Variants in KCNH1 observed in about 807,000 individuals in gnomAD.
KCNH1 encodes the protein potassium voltage-gated channel subfamily H member 1.
In KCNH1, 27 loss-of-function variants were observed where a neutral mutation model predicts 69.2. That is an observed-to-expected ratio of 0.39 (90% CI 0.29 to 0.54). The LOEUF (loss-of-function observed/expected upper bound fraction) is 0.54, where lower values mean the gene tolerates loss of function less well. Among genes scored for constraint, KCNH1 ranks in the 20% least tolerant of loss-of-function variants. The probability of loss-of-function intolerance (pLI) is 0.68; values close to 1 mark genes in which losing one functional copy is unlikely to be tolerated. For missense variants in KCNH1, 798 were observed against 1,261.6 expected, an observed-to-expected ratio of 0.63 and a Z score of 5.57; for synonymous variants, 456 against 487.7, an observed-to-expected ratio of 0.93 and a Z score of 0.86.
In KCNH1 at chr1:210,682,358, A is replaced by G. The variant is rs1194063722; in HGVS notation, c.*923T>C. The G allele has an allele frequency of 6.6e-6, 1 of 152,244 alleles. No homozygotes were observed. The highest frequency in any genetic ancestry group is 1.5e-5 in the Non-Finnish European group (1 of 68,084). The allele number at this position is 152,244 out of a possible 1,614,324, so 9.4% of individuals were successfully genotyped here. ...GTGTGTCTGTGTGTCTGCTTTGTTAATAAAGCAACTCTGGGCTCATGACCC... is the reference window on the plus strand; with the variant it reads ...GTGTGTCTGTGTGTCTGCTTTGTTAGTAAAGCAACTCTGGGCTCATGACCC... On this transcript the variant is annotated 3_prime_UTR_variant, in exon 11 of 11. Coordinates refer to ENST00000271751, the MANE Select transcript of KCNH1 (RefSeq NM_172362.3).
In KCNH1 at chr1:211,133,994, G is replaced by T; in HGVS notation, c.-49C>A. The T allele has an allele frequency of 6.5e-7, 1 of 1,542,652 alleles. No individual in the cohort carries two copies. The highest frequency in any genetic ancestry group is 8.9e-7 in the Non-Finnish European group (1 of 1,119,348). Reference sequence around the variant, plus strand: ...CGGGCGTCCTGGCGCGGCTTCTTACGACAGCAGGAAACTGGCCTCGGGGCC... The same window carrying T: ...CGGGCGTCCTGGCGCGGCTTCTTACTACAGCAGGAAACTGGCCTCGGGGCC... On this transcript the variant is annotated 5_prime_UTR_variant, in exon 1 of 11. The change creates a premature stop within an existing upstream ORF in the 5' untranslated region. Coordinates refer to ENST00000271751, the MANE Select transcript of KCNH1 (RefSeq NM_172362.3). This position sits in a 1 kb window ranked among gnomAD's most constrained non-coding sequence, Gnocchi z 5.4.
At chr1:210,978,915 T>A (rs75471277) in intron 6 of KCNH1, among the ~76,000 whole-genome samples, 11,970 of 152,170 alleles carry the variant, frequency 0.079, 665 homozygotes, top group South Asian at 0.18. Flanking sequence ...CCCTTTAGTG[T>A]CTCCTCTGCA....
At chr1:210,853,945 C>A (rs1184068057) in intron 7 of KCNH1, among the ~76,000 whole-genome samples, 1 of 11,654 alleles carries the variant, frequency 8.6e-5, no homozygotes, top group African/African-American at 3.9e-4. Flanking sequence ...TTTATCTAAG[C>A]CAAAAAAAAA....
At chr1:211,027,951 G>T (rs1689713892) in intron 5 of KCNH1, among the ~76,000 whole-genome samples, 1 of 152,074 alleles carries the variant, frequency 6.6e-6, no homozygotes, top group Non-Finnish European at 1.5e-5. Context: ...CAAACAATAA[G>T]ATATAGAAGA....
intron 7 of KCNH1, among the ~76,000 whole-genome samples, chr1:210,875,646 A>G (rs535455083): frequency 5.3e-4 from 80 of 152,170 alleles, no homozygotes; most frequent in African/African-American, 1.9e-3. Flanking sequence ...TACTAAAAAC[A>G]CAAAAAATTA....
chr1:210,888,794 T>C (rs1686678211), intron 7 of KCNH1, among the ~76,000 whole-genome samples: 1 of 152,170 alleles, frequency 6.6e-6, no homozygotes, highest in Non-Finnish European at 1.5e-5. Flanking sequence ...GCGAATGAAC[T>C]AGAAAATCTG....
rs181648934 is a variant in KCNH1 at position 210,804,226 on chromosome 1, G to T, written c.1463-60C>A. The T allele has an allele frequency of 4.2e-6, 6 of 1,439,440 alleles. No homozygotes were observed. The African/African-American group carries it at 5.6e-5, about 13-fold the overall frequency. 89.2% of individuals were successfully genotyped at this position (1,439,440 alleles called of 1,614,324 possible). On this transcript the variant is annotated intron_variant, in intron 7 of 10. Transcript: ENST00000271751. The stretch of plus-strand genomic sequence containing the variant: ...ACAAGTTAGTGGTCCCTGAGCCAGG[G>T]TTCCAGAATGCTCAGCTTGCTCAGA...
chr1:210,773,818 T>A (rs1253714219), intron 10 of KCNH1, among the ~76,000 whole-genome samples: 1 of 152,224 alleles, frequency 6.6e-6, no homozygotes, highest in African/African-American at 2.4e-5. Context: ...AGACTTTAGG[T>A]TCCCAGAGAT....
chr1:211,029,697 A>G lies in KCNH1; in HGVS notation c.559-10441T>C, dbSNP rs527299630. ...TAATCAACACAGTACTGCTGTTGCAATAATGCAAAAAAAGGAAATAAATGG... is the reference window on the plus strand; with the variant it reads ...TAATCAACACAGTACTGCTGTTGCAGTAATGCAAAAAAAGGAAATAAATGG... On this transcript the variant is annotated intron_variant, in intron 5 of 10. Coordinates refer to ENST00000271751, the MANE Select transcript of KCNH1 (RefSeq NM_172362.3). 3.9e-5 allele frequency among the ~76,000 whole-genome samples: 6 copies of G among 152,264 alleles called. No individual in the cohort carries two copies. The South Asian group carries it at 1.2e-3, about 32-fold the overall frequency.
chr1:210,715,018 G>A (rs1682191792), intron 10 of KCNH1, among the ~76,000 whole-genome samples: 1 of 152,146 alleles, frequency 6.6e-6, no homozygotes, highest in East Asian at 1.9e-4. Flanking sequence ...GGTCCTAGTG[G>A]GTGCAGAGGG....
At chr1:210,869,204 T>G (rs1002781685) in intron 7 of KCNH1, among the ~76,000 whole-genome samples, 4 of 152,138 alleles carry the variant, frequency 2.6e-5, no homozygotes, top group Admixed American at 2.0e-4. Context: ...TTATCAATTT[T>G]GTTCAGTAAT....
intron 6 of KCNH1, among the ~76,000 whole-genome samples, chr1:210,978,089 A>G (rs1204068215): frequency 2.0e-5 from 3 of 148,256 alleles, no homozygotes; most frequent in African/African-American, 7.5e-5. Flanking sequence ...CCTAGGCTGG[A>G]GTACAGTGGT....
intron 7 of KCNH1, among the ~76,000 whole-genome samples, chr1:210,840,514 C>A (rs1393191759): frequency 6.6e-6 from 1 of 152,156 alleles, no homozygotes; most frequent in Non-Finnish European, 1.5e-5. Flanking sequence ...GTGAAGGGAA[C>A]CTGTGTGAAC....
At chr1:210,713,244 G>A (rs1159904683) in intron 10 of KCNH1, among the ~76,000 whole-genome samples, 2 of 152,256 alleles carry the variant, frequency 1.3e-5, no homozygotes, top group African/African-American at 2.4e-5. Context: ...GCCAAGTACC[G>A]ACCATGAGAT....
chr1:210,887,170 G>C (rs887326228), intron 7 of KCNH1, among the ~76,000 whole-genome samples: 1 of 152,134 alleles, frequency 6.6e-6, no homozygotes, highest in Non-Finnish European at 1.5e-5. Flanking sequence ...CCCACAAAGG[G>C]AAGCCCATCA....
intron 10 of KCNH1, among the ~76,000 whole-genome samples, chr1:210,766,879 T>A (rs767775983): frequency 1.6e-4 from 24 of 152,184 alleles, no homozygotes; most frequent in African/African-American, 5.5e-4. Flanking sequence ...CCCTTGGAAA[T>A]AGGGGAGAAC....
chr1:210,716,229 C>T (rs1001477012), intron 10 of KCNH1, among the ~76,000 whole-genome samples: 1 of 151,718 alleles, frequency 6.6e-6, no homozygotes, highest in East Asian at 1.9e-4. Context: ...GTCAGAAGAT[C>T]GAGACCATCC....
rs1254629187 is a variant in KCNH1 at position 210,806,806 on chromosome 1, CCAAAAA to C, written c.1463-2646_1463-2641del. 4.6e-3 allele frequency among the ~76,000 whole-genome samples: 399 copies of C among 86,202 alleles called. 51 individuals carry two copies. Among genetic ancestry groups the C allele is most frequent in the African/African-American group, 0.014 (273 of 19,730 alleles). The allele number at this position is 86,202 out of a possible 152,430, so 56.6% of individuals were successfully genotyped here. ...CCAATATGGTGAAACCCCATCTCTA[CCAAAAA>C]AAAAAAAAAAAAAAAAAAAAAAAAA... On this transcript the variant is annotated intron_variant, in intron 7 of 10. Transcript: ENST00000271751.
At chr1:210,688,518 A>G (rs938312619) in intron 10 of KCNH1, among the ~76,000 whole-genome samples, 1 of 152,186 alleles carries the variant, frequency 6.6e-6, no homozygotes, top group South Asian at 2.1e-4. Flanking sequence ...TAATGGGGAG[A>G]GAGAAAAAGA....
Sources: allele counts gnomAD v4.1 joint callset (sites outside exome capture counted in the v4.1 genomes callset), GRCh38; gene constraint gnomAD v4.1.1; non-coding constraint Gnocchi (gnomAD v3.1); transcripts MANE v1.5; gene names NCBI Gene and HGNC (gene_info 2026-07-23, HGNC 2026-07-21).